The following RBM34 variants were observed in gnomAD, a reference collection of about 807,000 sequenced individuals.
The protein encoded by RBM34 is RNA binding motif protein 34, also known as RNA-binding protein 34.
A neutral mutation model predicts 44.6 loss-of-function variants in RBM34; 39 were observed. The ratio of observed to expected loss-of-function variants is 0.87; its 90% CI spans 0.68 to 1.14. RBM34 has a LOEUF of 1.14. RBM34 is among the 50% of genes most tolerant of loss of function. RBM34 has a pLI of 0.00. For synonymous variants in RBM34, 194 were observed against 184.0 expected (o/e 1.05, Z -0.44); for missense variants, 572 against 517.9 (o/e 1.10, Z -1.01).
rs772699867 is a variant in RBM34 at position 235,148,393 on chromosome 1, T to C, written c.701+11A>G. The C allele has an allele frequency of 6.3e-7, 1 of 1,587,814 alleles. No individual in the cohort carries two copies. The highest frequency in any genetic ancestry group is 1.2e-5 in the South Asian group (1 of 86,160). ...TTTAAGGTGACTCCCTTTCTCTAAT[T>C]ATAAACTTACTTTATTGCTGCCAAC... On this transcript the variant is annotated intron_variant, in intron 6 of 10. Coordinates refer to ENST00000408888, the MANE Select transcript of RBM34 (RefSeq NM_015014.4).
At chr1:235,160,820 C>T in intron 2 of RBM34, 73 bp downstream of exon 2, 6 of 1,564,214 alleles carry the variant, frequency 3.8e-6, no homozygotes, top group Non-Finnish European at 5.2e-6. Context: ...ACGCTTCACG[C>T]GGTAGGTAAG....
chr1:235,155,840 T>TATATATATATAC (rs1662400246), intron 3 of RBM34, among the ~76,000 whole-genome samples: 1 of 25,618 alleles, frequency 3.9e-5, no homozygotes, highest in African/African-American at 1.8e-4. Context: ...TATATATATA[T>TATATATATATAC]ATATATATAT....
intron 8 of RBM34, 106 bp downstream of exon 8, chr1:235,137,771 C>A: frequency 1.2e-6 from 1 of 834,018 alleles, no homozygotes. Flanking sequence ...TTTCCTTCTG[C>A]GCTTCCCTCA....
At chr1:235,138,238 G>T in intron 6 of RBM34, 64 bp from the exon 7 acceptor site, 1 of 1,353,852 alleles carries the variant, frequency 7.4e-7, no homozygotes, top group Non-Finnish European at 1.0e-6. Flanking sequence ...TAGCCTCAAA[G>T]TCACTAGAAA....
chr1:235,139,911 G>A (rs1205708128), intron 6 of RBM34, among the ~76,000 whole-genome samples: 2 of 152,226 alleles, frequency 1.3e-5, no homozygotes, highest in African/African-American at 2.4e-5. Flanking sequence ...AAACACTAGA[G>A]CTCAGCGTGG....
chr1:235,134,825 A>G (rs2102824115), intron 10 of RBM34, among the ~76,000 whole-genome samples: 1 of 150,656 alleles, frequency 6.6e-6, no homozygotes, highest in African/African-American at 2.4e-5. Context: ...GCTCACCGCA[A>G]CCTCTGCCTC....
intron 3 of RBM34, among the ~76,000 whole-genome samples, chr1:235,159,694 A>ACTCT (rs894995913): frequency 7.3e-5 from 11 of 151,278 alleles, no homozygotes; most frequent in Admixed American, 5.9e-4. Flanking sequence ...ACATGATGAA[A>ACTCT]CTCTGTCTCT....
chr1:235,157,554 T>C (rs1662503436), intron 3 of RBM34, among the ~76,000 whole-genome samples: 1 of 150,824 alleles, frequency 6.6e-6, no homozygotes, highest in Non-Finnish European at 1.5e-5. Flanking sequence ...CAAACATACA[T>C]GTCTGGAGAT....
At chr1:235,143,791 C>G (rs1661787861) in intron 6 of RBM34, among the ~76,000 whole-genome samples, 1 of 152,206 alleles carries the variant, frequency 6.6e-6, no homozygotes, top group Admixed American at 6.6e-5. Flanking sequence ...CAACACAACA[C>G]AATAAACAGG....
chr1:235,138,181 CAAA>C lies in RBM34; in HGVS notation c.702-10_702-8del, dbSNP rs367780945. 1.5e-3 allele frequency: 2,080 copies of C among 1,425,456 alleles called. No individual in the cohort carries two copies. Among genetic ancestry groups the C allele is most frequent in the Admixed American group, 2.1e-3 (89 of 41,730 alleles). 88.3% of individuals were successfully genotyped at this position (1,425,456 alleles called of 1,614,324 possible). ...ATCAGGATGAATTTTACGTCTACAC[CAAA>C]AAAAAAAAAAGAAAGAAAGAAAAGA... is the stretch of plus-strand genomic sequence containing the variant. On this transcript the variant is annotated splice_region_variant and splice_polypyrimidine_tract_variant and intron_variant, in intron 6 of 10. Coordinates refer to ENST00000408888, the MANE Select transcript of RBM34 (RefSeq NM_015014.4).
intron 6 of RBM34, among the ~76,000 whole-genome samples, chr1:235,139,895 T>C (rs1661601626): frequency 6.6e-6 from 1 of 152,150 alleles, no homozygotes; most frequent in African/African-American, 2.4e-5. Context: ...AGCCATGATC[T>C]CACTAAAACA....
chr1:235,140,364 G>A (rs1332726950), intron 6 of RBM34, among the ~76,000 whole-genome samples: 2 of 152,256 alleles, frequency 1.3e-5, no homozygotes, highest in East Asian at 1.9e-4. Flanking sequence ...GGCTTGGCGG[G>A]CCCCGCACTC....
Position 235,131,771 on chromosome 1 carries a change from G to GT in RBM34, c.1234dup (p.Thr412AsnfsTer13), listed in dbSNP as rs747836886. 1 of 1,613,012 alleles carries GT rather than the reference G, an allele frequency of 6.2e-7. No homozygotes were observed. The highest frequency in any genetic ancestry group is 2.2e-5 in the East Asian group (1 of 44,870). ...ACTTTTCTTCTGTCCTTTCTTCTTCGTTTTAAGGAGAACAGCTTTTTCTCC... is the reference window on the plus strand; with the variant it reads ...ACTTTTCTTCTGTCCTTTCTTCTTCGTTTTTAAGGAGAACAGCTTTTTCTCC... On this transcript the variant is annotated frameshift_variant, in exon 11 of 11. Transcript: ENST00000408888. LOFTEE classifies it high-confidence loss of function.
chr1:235,131,625 AC>A lies in RBM34; in HGVS notation c.*87del. On this transcript the variant is annotated 3_prime_UTR_variant, in exon 11 of 11. Coordinates refer to ENST00000408888, the MANE Select transcript of RBM34 (RefSeq NM_015014.4). ...CATCCATAAAGAAGTATAAAACTCA[AC>A]ACATGAATAGCAGACGATGCTATCA... 7.1e-7 allele frequency: 1 copy of A among 1,413,044 alleles called. No homozygotes were observed. Among genetic ancestry groups the A allele is most frequent in the African/African-American group, 1.4e-5 (1 of 69,520 alleles). The allele number at this position is 1,413,044 out of a possible 1,614,324, so 87.5% of individuals were successfully genotyped here. A position where few individuals can be genotyped will look rare whatever the true frequency, so the allele number is the denominator to read the frequency against.
rs887511804 is a variant in RBM34 at position 235,136,171 on chromosome 1, G to C, written c.850-98C>G. 4.6e-5 allele frequency: 44 copies of C among 956,736 alleles called. No individual in the cohort carries two copies. The East Asian group carries it at 1.1e-3, about 24-fold the overall frequency. The allele number at this position is 956,736 out of a possible 1,614,324, so 59.3% of individuals were successfully genotyped here. A position where few individuals can be genotyped will look rare whatever the true frequency, so the allele number is the denominator to read the frequency against. On this transcript the variant is annotated intron_variant, in intron 8 of 10. Transcript: ENST00000408888. The stretch of plus-strand genomic sequence containing the variant: ...TCCCTCCTTCCCCCCATATCTGACA[G>C]GTCACCCATCTTCTAATTTAACCAC...
At chr1:235,157,046 C>T (rs748858342) in intron 3 of RBM34, among the ~76,000 whole-genome samples, 4 of 152,100 alleles carry the variant, frequency 2.6e-5, no homozygotes, top group Admixed American at 6.6e-5. Flanking sequence ...TGAAAGGAAA[C>T]GAGACAGTAC....
At chr1:235,158,652 G>C (rs577692626) in intron 3 of RBM34, among the ~76,000 whole-genome samples, 2 of 152,236 alleles carry the variant, frequency 1.3e-5, no homozygotes, top group Admixed American at 1.3e-4. Context: ...GTTCCCAACT[G>C]TCAGTGATTA....
At chr1:235,149,313 C>T (rs528729879) in intron 5 of RBM34, among the ~76,000 whole-genome samples, 68 of 146,270 alleles carry the variant, frequency 4.6e-4, no homozygotes, top group African/African-American at 1.5e-3. Flanking sequence ...GGCGTGAACC[C>T]GGGAGGCGGA....
chr1:235,152,733 T>G lies in RBM34; in HGVS notation c.630A>C (p.Gln210His). ...KLKSFFKEYGQIESVRFRSLI... is the reference protein window; with the variant it reads ...KLKSFFKEYGHIESVRFRSLI... Reference sequence around the variant, plus strand: ...GAGAACGAAATCGTACAGATTCTATTTGTCCATACTCTTTAAAAAACGACT... The same window carrying G: ...GAGAACGAAATCGTACAGATTCTATGTGTCCATACTCTTTAAAAAACGACT... The change falls in exon 5 of 11, where the codon CAA becomes CAC. Residue 210 changes from glutamine to histidine, a missense_variant. By Grantham distance (24) the Gln-to-His change is conservative. Coordinates refer to ENST00000408888, the MANE Select transcript of RBM34 (RefSeq NM_015014.4). 3 of 1,599,478 alleles carry G rather than the reference T, an allele frequency of 1.9e-6. No individual in the cohort carries two copies. The highest frequency in any genetic ancestry group is 2.6e-6 in the Non-Finnish European group (3 of 1,173,478).
Sources: allele counts gnomAD v4.1 joint callset (sites outside exome capture counted in the v4.1 genomes callset), GRCh38; gene constraint gnomAD v4.1.1; transcripts MANE v1.5; gene names NCBI Gene and HGNC (gene_info 2026-07-23, HGNC 2026-07-21).